Variants in PNPLA1 observed in about 807,000 individuals in gnomAD.
The protein encoded by PNPLA1 is patatin like domain 1, omega-hydroxyceramide transacylase, also known as omega-hydroxyceramide transacylase.
Under a neutral mutation model 51.7 loss-of-function variants are expected in PNPLA1, and 36 were observed. That is an observed-to-expected ratio of 0.70 (90% CI 0.53 to 0.92). The LOEUF is 0.92. Ranked by LOEUF, PNPLA1 falls within the 40% of genes least tolerant of loss-of-function variation. The pLI, the probability that PNPLA1 is intolerant of heterozygous loss-of-function variation, is 0.00. For synonymous variants in PNPLA1, 293 were observed against 280.1 expected (o/e 1.05, Z -0.46); for missense variants, 658 against 682.5 (o/e 0.96, Z 0.40).
chr6:36,307,834 C>A, intron 8 of PNPLA1, 122 bp downstream of exon 8: 1 of 1,295,310 alleles, frequency 7.7e-7, no homozygotes, highest in Non-Finnish European at 1.0e-6. Flanking sequence ...GGAGATTGGG[C>A]TTTGGAACAG....
At chr6:36,258,912 G>T (rs991744213) in intron 1 of PNPLA1, among the ~76,000 whole-genome samples, 1 of 152,160 alleles carries the variant, frequency 6.6e-6, no homozygotes, top group African/African-American at 2.4e-5. Context: ...ATTTGATTTA[G>T]AAGTCCTTTA....
intron 8 of PNPLA1, among the ~76,000 whole-genome samples, chr6:36,309,485 C>A (rs1771340173): frequency 6.6e-6 from 1 of 152,140 alleles, no homozygotes; most frequent in African/African-American, 2.4e-5. Flanking sequence ...ATCTGGAAGC[C>A]AAGCCCAGGC....
chr6:36,281,978 G>T (rs977152932), intron 1 of PNPLA1, among the ~76,000 whole-genome samples: 12 of 150,092 alleles, frequency 8.0e-5, no homozygotes, highest in African/African-American at 2.7e-4. Context: ...AGCCGAGATC[G>T]CACCATTGCC....
At chr6:36,263,850 A>G (rs1769705762) in intron 1 of PNPLA1, among the ~76,000 whole-genome samples, 1 of 152,010 alleles carries the variant, frequency 6.6e-6, no homozygotes, top group African/African-American at 2.4e-5. Flanking sequence ...AAGAGGCAAA[A>G]TCACCCAGAG....
chr6:36,270,841 G>T (rs1769894548), intron 1 of PNPLA1, among the ~76,000 whole-genome samples, 177 bp downstream of exon 1: 1 of 152,154 alleles, frequency 6.6e-6, no homozygotes, highest in South Asian at 2.1e-4. Flanking sequence ...GAAGGTTGGG[G>T]TCTGCCAGGC....
intron 1 of PNPLA1, among the ~76,000 whole-genome samples, chr6:36,262,971 T>C (rs1561850568): frequency 6.6e-6 from 1 of 152,254 alleles, no homozygotes; most frequent in East Asian, 1.9e-4. Flanking sequence ...GTAGGATAAA[T>C]TCCTGCAAGT....
Position 36,299,013 on chromosome 6 carries a change from T to C in PNPLA1, c.776-2848T>C, listed in dbSNP as rs144140824. Among the ~76,000 whole-genome samples the C allele has an allele frequency of 1.0e-3, 157 of 151,836 alleles. 3 individuals are homozygous for C. The East Asian group carries it at 0.028, about 28-fold the overall frequency. ...CGGCCTCCCAAAGTGCTGGGATTAC[T>C]GGGGTGAGCCACCGCGCCTGGCCGA... On this transcript the variant is annotated intron_variant, in intron 5 of 8. Coordinates refer to ENST00000636260, the MANE Select transcript of PNPLA1 (RefSeq NM_001374623.1).
intron 1 of PNPLA1, among the ~76,000 whole-genome samples, chr6:36,262,936 T>C (rs978563071): frequency 3.3e-5 from 5 of 152,370 alleles, no homozygotes; most frequent in Non-Finnish European, 5.9e-5. Flanking sequence ...GCATATATTT[T>C]TGGAGGACTC....
intron 6 of PNPLA1, 65 bp downstream of exon 6, chr6:36,302,534 A>G: frequency 6.6e-7 from 1 of 1,505,912 alleles, no homozygotes; most frequent in South Asian, 1.4e-5. Context: ...GCGAGCAAGG[A>G]CACCAGGGCT....
chr6:36,307,466 T>A, intron 7 of PNPLA1, 121 bp from the exon 8 acceptor site: 1 of 1,146,014 alleles, frequency 8.7e-7, no homozygotes, highest in Non-Finnish European at 1.2e-6. Context: ...GGAAATCCAA[T>A]CCTCAGCCAG....
intron 6 of PNPLA1, 150 bp downstream of exon 6, chr6:36,302,619 T>C (rs923696445): frequency 7.3e-5 from 81 of 1,115,820 alleles, no homozygotes; most frequent in Non-Finnish European, 9.8e-5. Context: ...ATGAGGACAG[T>C]CCGCCACAAG....
At chr6:36,310,984 G>A (rs1035044476) in intron 8 of PNPLA1, among the ~76,000 whole-genome samples, 1 of 152,216 alleles carries the variant, frequency 6.6e-6, no homozygotes, top group Non-Finnish European at 1.5e-5. Flanking sequence ...CATTTGGGAG[G>A]GTCCCGGGGC....
upstream of PNPLA1, among the ~76,000 whole-genome samples, chr6:36,267,709 A>G (rs1582042440): frequency 6.6e-6 from 1 of 151,572 alleles, no homozygotes; most frequent in African/African-American, 2.4e-5. Flanking sequence ...ATGACCCCAC[A>G]CCCTCCTCCG....
chr6:36,258,389 CT>C (rs1318956902), intron 1 of PNPLA1, among the ~76,000 whole-genome samples: 1 of 152,222 alleles, frequency 6.6e-6, no homozygotes, highest in African/African-American at 2.4e-5. Context: ...TGACTAGGGG[CT>C]TCCCTCAGCA....
intron 7 of PNPLA1, 46 bp from the exon 8 acceptor site, chr6:36,307,534 GGAGGACC>G: frequency 6.3e-7 from 1 of 1,593,372 alleles, no homozygotes; most frequent in Non-Finnish European, 8.6e-7. Flanking sequence ...CCACCATGTT[GGAGGACC>G]GAGGTCAGGC....
rs528847481 is a variant in PNPLA1 at position 36,281,783 on chromosome 6, G to A, written c.206-9537G>A. On this transcript the variant is annotated intron_variant, in intron 1 of 8. Coordinates refer to ENST00000636260, the MANE Select transcript of PNPLA1 (RefSeq NM_001374623.1). The stretch of plus-strand genomic sequence containing the variant: ...ACCTGTAGTCCCAGCACTTTGGGAG[G>A]CCAAGGCAAGTGGATCACCTGAGGT... Among the ~76,000 whole-genome samples, 21 of 152,232 alleles carry A rather than the reference G, an allele frequency of 1.4e-4. 1 individual carries two copies. The highest frequency in any genetic ancestry group is 8.5e-4 in the Admixed American group (13 of 15,282).
rs1463728025 is a variant in PNPLA1 at position 36,312,709 on chromosome 6, G to A, written c.*823G>A. Among the ~76,000 whole-genome samples the A allele has an allele frequency of 1.3e-5, 2 of 152,204 alleles. No individual in the cohort carries two copies. The highest frequency in any genetic ancestry group is 2.9e-5 in the Non-Finnish European group (2 of 68,028). ...GCAACACCTATTCCCAGCCCCGATG[G>A]TGCACAAGATCTGTTTCCCTTCCAG... On this transcript the variant is annotated 3_prime_UTR_variant, in exon 9 of 9. Transcript: ENST00000636260.
intron 1 of PNPLA1, among the ~76,000 whole-genome samples, chr6:36,245,746 C>G (rs1273193911): frequency 6.6e-6 from 1 of 152,250 alleles, no homozygotes; most frequent in Non-Finnish European, 1.5e-5. Flanking sequence ...GGGTACCTGG[C>G]AGGAACCGTC....
intron 1 of PNPLA1, among the ~76,000 whole-genome samples, chr6:36,278,039 C>G (rs1467138288): frequency 6.6e-6 from 1 of 152,226 alleles, no homozygotes; most frequent in South Asian, 2.1e-4. Context: ...TAGAATGACC[C>G]TCTGCCCCCC....
Sources: allele counts gnomAD v4.1 joint callset (sites outside exome capture counted in the v4.1 genomes callset), GRCh38; gene constraint gnomAD v4.1.1; transcripts MANE v1.5; gene names NCBI Gene and HGNC (gene_info 2026-07-23, HGNC 2026-07-21).